Variants in ITSN2 observed in about 807,000 individuals in gnomAD.
ITSN2 encodes the protein intersectin-2.
Under a neutral mutation model 243.7 loss-of-function variants are expected in ITSN2, and 156 were observed. The ratio of observed to expected loss-of-function variants is 0.64; its 90% CI spans 0.56 to 0.73. ITSN2 has a LOEUF of 0.73. Ranked by LOEUF, ITSN2 falls within the 30% of genes least tolerant of loss-of-function variation. The pLI is 0.00. For missense variants in ITSN2, 1,801 were observed against 1,996.1 expected (o/e 0.90, Z 1.86); for synonymous variants, 703 against 699.9 (o/e 1.00, Z -0.07).
chr2:24,243,268 C>T (rs906110383), intron 29 of ITSN2, among the ~76,000 whole-genome samples: 4 of 152,116 alleles, frequency 2.6e-5, no homozygotes, highest in Admixed American at 2.6e-4. Context: ...AATGGATTGT[C>T]TTGTCTTGTT....
intron 1 of ITSN2, among the ~76,000 whole-genome samples, chr2:24,329,603 G>T (rs1441335023): frequency 6.6e-6 from 1 of 152,156 alleles, no homozygotes; most frequent in Non-Finnish European, 1.5e-5. Flanking sequence ...CAGTTAGGAA[G>T]TGAAGGCCTA....
At chr2:24,238,468 T>TAA (rs1289831873) in intron 29 of ITSN2, among the ~76,000 whole-genome samples, 10 of 152,204 alleles carry the variant, frequency 6.6e-5, no homozygotes, top group African/African-American at 2.4e-4. Flanking sequence ...ACCACCAACA[T>TAA]GATTAACTTT....
intron 29 of ITSN2, among the ~76,000 whole-genome samples, chr2:24,232,854 T>C (rs1197892162): frequency 6.6e-6 from 1 of 152,222 alleles, no homozygotes; most frequent in African/African-American, 2.4e-5. Context: ...GGAGATTCCA[T>C]GTATAAACCT....
At chr2:24,291,029 T>C (rs1304985178) in intron 15 of ITSN2, among the ~76,000 whole-genome samples, 1 of 152,220 alleles carries the variant, frequency 6.6e-6, no homozygotes, top group Non-Finnish European at 1.5e-5. Context: ...ACTGAATATA[T>C]AAATTAGGAG....
At chr2:24,252,245 AT>A (rs1187735333) in intron 25 of ITSN2, 99 bp downstream of exon 25, 1 of 887,626 alleles carries the variant, frequency 1.1e-6, no homozygotes, top group East Asian at 2.6e-5. Context: ...CTAAGTATAA[AT>A]CTTGATTAAC....
chr2:24,358,161 G>C (rs1481575140), intron 1 of ITSN2, among the ~76,000 whole-genome samples: 1 of 152,098 alleles, frequency 6.6e-6, no homozygotes, highest in South Asian at 2.1e-4. Flanking sequence ...CGCCCTCCTC[G>C]GCCTCCCAAA....
Position 24,342,346 on chromosome 2 carries a change from C to G in ITSN2, c.-33-14231G>C, listed in dbSNP as rs550944948. ...TCAAGCGGCTGGGACCACAAGAGCACGCTGCCAAGCCCGGCTAATTTTTAA... is the reference window on the plus strand; with the variant it reads ...TCAAGCGGCTGGGACCACAAGAGCAGGCTGCCAAGCCCGGCTAATTTTTAA... On this transcript the variant is annotated intron_variant, in intron 1 of 39. Coordinates refer to ENST00000355123, the MANE Select transcript of ITSN2 (RefSeq NM_006277.3). Among the ~76,000 whole-genome samples the G allele has an allele frequency of 2.6e-5, 4 of 151,710 alleles. No homozygotes were observed. In the East Asian group the frequency reaches 7.7e-4, roughly 29 times the overall value.
At chr2:24,279,676 C>T (rs1678499441) in intron 17 of ITSN2, among the ~76,000 whole-genome samples, 1 of 150,804 alleles carries the variant, frequency 6.6e-6, no homozygotes, top group Non-Finnish European at 1.5e-5. Context: ...TTTTAGATTC[C>T]TAGGCCAGGA....
chr2:24,203,703 G>A lies in ITSN2; in HGVS notation c.5017C>T (p.Leu1673=). The A allele has an allele frequency of 6.2e-7, 1 of 1,614,194 alleles. No homozygotes were observed. The highest frequency in any genetic ancestry group is 8.5e-7 in the Non-Finnish European group (1 of 1,180,030). ...TCCCCGGTGGGGACCTCATGCAGCA[G>A]CAGTCGGCGGGTCATAGGGCCTTTG... ...ESKGPMTRRL[L]LHEVPTGEVW... is the part of the protein sequence containing the mutation. Residue 1673 remains leucine (L), a synonymous_variant, in exon 40 of 40, where the codon CTG becomes TTG. Coordinates refer to ENST00000355123, the MANE Select transcript of ITSN2 (RefSeq NM_006277.3).
intron 3 of ITSN2, 45 bp downstream of exon 3, chr2:24,315,087 C>A: frequency 1.0e-6 from 1 of 991,060 alleles, no homozygotes; most frequent in South Asian, 1.6e-5. Context: ...TTAGATATCA[C>A]ATAAGGACCA....
chr2:24,228,679 G>T (rs1671283072), intron 29 of ITSN2, among the ~76,000 whole-genome samples: 1 of 152,150 alleles, frequency 6.6e-6, no homozygotes, highest in Admixed American at 6.5e-5. Context: ...TTCCCAACCA[G>T]TAGAGGGCAA....
chr2:24,252,242 T>C, intron 25 of ITSN2, 103 bp downstream of exon 25: 1 of 864,846 alleles, frequency 1.2e-6, no homozygotes, highest in Middle Eastern at 2.5e-4. Flanking sequence ...TCTCTAAGTA[T>C]AAATCTTGAT....
intron 20 of ITSN2, 47 bp from the exon 21 acceptor site, chr2:24,261,789 T>G (rs1239146380): frequency 7.2e-7 from 1 of 1,391,084 alleles, no homozygotes; most frequent in African/African-American, 1.4e-5. Context: ...AATTCACACA[T>G]TTACAATGGA....
chr2:24,210,723 C>T lies in ITSN2; in HGVS notation c.4257+57G>A, dbSNP rs1669398714. 3 of 1,544,144 alleles carry T rather than the reference C, an allele frequency of 1.9e-6. No individual in the cohort carries two copies. In the Admixed American group the frequency reaches 5.2e-5, roughly 27 times the overall value. On this transcript the variant is annotated intron_variant, in intron 34 of 39. Coordinates refer to ENST00000355123, the MANE Select transcript of ITSN2 (RefSeq NM_006277.3). ...TGTCCACGTGAGGGAAGGCTCGGAGCTGGTTCCCCACCCAGAGCCTCCCTG... is the reference window on the plus strand; with the variant it reads ...TGTCCACGTGAGGGAAGGCTCGGAGTTGGTTCCCCACCCAGAGCCTCCCTG...
intron 2 of ITSN2, among the ~76,000 whole-genome samples, chr2:24,320,599 C>T (rs1213185467): frequency 1.4e-5 from 2 of 146,180 alleles, no homozygotes; most frequent in African/African-American, 5.0e-5. Context: ...CCTGTAATCC[C>T]AGCTACTTGG....
chr2:24,229,443 G>T (rs1166127855), intron 29 of ITSN2, among the ~76,000 whole-genome samples: 1 of 152,028 alleles, frequency 6.6e-6, no homozygotes, highest in Admixed American at 6.6e-5. Context: ...GCAAAAATTA[G>T]CTGAGTGTGG....
chr2:24,205,357 T>A (rs1668759772), intron 37 of ITSN2, 60 bp from the exon 38 acceptor site: 17 of 1,426,336 alleles, frequency 1.2e-5, no homozygotes, highest in Non-Finnish European at 1.6e-5. Flanking sequence ...ACCCTGTCTT[T>A]CAAACCAACC....
In ITSN2 at chr2:24,207,636, CGCCTCAGTGACT is replaced by C. The variant is rs1669040118; in HGVS notation, c.4678+589_4678+600del. On this transcript the variant is annotated intron_variant, in intron 37 of 39. Transcript: ENST00000355123. ...GCCATGGGGTCCAGAGGGAAGGCAG[CGCCTCAGTGACT>C]GCCATCAGTGCAGGGAGCTGGGGCA... 2.6e-5 allele frequency among the ~76,000 whole-genome samples: 4 copies of C among 152,014 alleles called. No homozygotes were observed. In the South Asian group the frequency reaches 8.3e-4, roughly 32 times the overall value.
At chr2:24,220,068 G>C (rs904107355) in intron 30 of ITSN2, among the ~76,000 whole-genome samples, 1 of 152,152 alleles carries the variant, frequency 6.6e-6, no homozygotes, top group East Asian at 1.9e-4. Flanking sequence ...TTCCATGTCT[G>C]GATATCCCAG....
Sources: allele counts gnomAD v4.1 joint callset (sites outside exome capture counted in the v4.1 genomes callset), GRCh38; gene constraint gnomAD v4.1.1; transcripts MANE v1.5; gene names NCBI Gene and HGNC (gene_info 2026-07-23, HGNC 2026-07-21).